SEMA5A: variants seen among roughly 807,000 people sequenced by gnomAD.
SEMA5A encodes the protein semaphorin-5A.
In SEMA5A, 55 loss-of-function variants were observed where a neutral mutation model predicts 135.5. The ratio of observed to expected loss-of-function variants is 0.41; its 90% CI spans 0.33 to 0.51. The LOEUF (loss-of-function observed/expected upper bound fraction) is 0.51. SEMA5A is among the 20% of genes least tolerant of loss of function. The pLI, the probability that SEMA5A is intolerant of heterozygous loss-of-function variation, is 0.37. For missense variants in SEMA5A, 1,290 were observed against 1,419.9 expected, an observed-to-expected ratio of 0.91 and a Z score of 1.47; for synonymous variants, 580 against 546.5, an observed-to-expected ratio of 1.06 and a Z score of -0.85.
chr5:9,267,762 G>C (rs1749758996), intron 5 of SEMA5A, among the ~76,000 whole-genome samples: 1 of 152,070 alleles, frequency 6.6e-6, no homozygotes, highest in Non-Finnish European at 1.5e-5. Context: ...ATCATCTCTG[G>C]CCGGGGTGGG....
chr5:9,347,545 T>G (rs1753930205), intron 3 of SEMA5A, among the ~76,000 whole-genome samples: 2 of 152,104 alleles, frequency 1.3e-5, no homozygotes, highest in Admixed American at 1.3e-4. Flanking sequence ...GTCACACATT[T>G]TTTTCTTTTC....
At chr5:9,241,586 A>G (rs2150463358) in intron 5 of SEMA5A, among the ~76,000 whole-genome samples, 1 of 151,460 alleles carries the variant, frequency 6.6e-6, no homozygotes, top group South Asian at 2.1e-4. Flanking sequence ...AAAAAAAAGA[A>G]GAGGCTTATG....
intron 16 of SEMA5A, among the ~76,000 whole-genome samples, chr5:9,097,205 C>A (rs1739371189): frequency 6.6e-6 from 1 of 152,168 alleles, no homozygotes; most frequent in Admixed American, 6.5e-5. Flanking sequence ...AATACTGCCC[C>A]AGGTTTAAGT....
intron 1 of SEMA5A, among the ~76,000 whole-genome samples, chr5:9,519,342 A>T (rs1736690255): frequency 1.3e-5 from 2 of 152,226 alleles, no homozygotes; most frequent in South Asian, 4.1e-4. Flanking sequence ...AAAAAACAAA[A>T]AATCTTAAGT....
chr5:9,405,960 G>C (rs1309899396), intron 2 of SEMA5A, among the ~76,000 whole-genome samples: 1 of 152,138 alleles, frequency 6.6e-6, no homozygotes, highest in African/African-American at 2.4e-5. Flanking sequence ...ACAACAAGAT[G>C]ATGAATATCT....
intron 16 of SEMA5A, among the ~76,000 whole-genome samples, chr5:9,092,838 C>A (rs866489066): frequency 6.6e-6 from 1 of 152,210 alleles, no homozygotes; most frequent in Middle Eastern, 3.4e-3. Flanking sequence ...TTGCCATTAC[C>A]TTTTTAAAAA....
chr5:9,269,703 C>T (rs1485749863), intron 5 of SEMA5A, among the ~76,000 whole-genome samples: 1 of 151,982 alleles, frequency 6.6e-6, no homozygotes, highest in Admixed American at 6.6e-5. Flanking sequence ...TGGTGGTGAC[C>T]TTAAGGCTTC....
chr5:9,382,678 C>T (rs983848819), intron 2 of SEMA5A, among the ~76,000 whole-genome samples: 1 of 152,168 alleles, frequency 6.6e-6, no homozygotes, highest in Admixed American at 6.5e-5. Context: ...GAGTCTCTCA[C>T]CCACTCAATA....
At chr5:9,132,404 G>A (rs1317893973) in intron 13 of SEMA5A, among the ~76,000 whole-genome samples, 1 of 152,120 alleles carries the variant, frequency 6.6e-6, no homozygotes, top group Non-Finnish European at 1.5e-5. Flanking sequence ...AATGGATTTG[G>A]TACCCTTATA....
chr5:9,288,630 T>C (rs1369859266), intron 5 of SEMA5A, among the ~76,000 whole-genome samples: 1 of 152,242 alleles, frequency 6.6e-6, no homozygotes, highest in Non-Finnish European at 1.5e-5. Context: ...CTACAGTGTT[T>C]ATATTTCTAG....
At chr5:9,486,162 A>T (rs62341320) in intron 1 of SEMA5A, among the ~76,000 whole-genome samples, 9,772 of 152,172 alleles carry the variant, frequency 0.064, 388 homozygotes, top group South Asian at 0.098. Flanking sequence ...CAACAAACAA[A>T]CACAGGAACA....
intron 11 of SEMA5A, among the ~76,000 whole-genome samples, chr5:9,165,633 C>T (rs748433956): frequency 6.6e-5 from 10 of 152,116 alleles, no homozygotes; most frequent in African/African-American, 1.4e-4. Flanking sequence ...GATTCTCTGC[C>T]GCTATGTCCA....
intron 4 of SEMA5A, among the ~76,000 whole-genome samples, chr5:9,331,890 G>C (rs1239288991): frequency 6.7e-6 from 1 of 148,676 alleles, no homozygotes; most frequent in African/African-American, 2.6e-5. Context: ...CCAAACAAAT[G>C]GTTCAAAATA....
rs542368969 is a variant in SEMA5A, at chr5:9,362,236, G to T, written c.124+17587C>A. On this transcript the variant is annotated intron_variant, in intron 3 of 22. Transcript: ENST00000382496. ...CTCCCATCCCTGAGCATGTTTATAA[G>T]CCCCAGCCCCCAGAGGCATTTCAAC... Among the ~76,000 whole-genome samples, 2 of 152,202 alleles carry T rather than the reference G, an allele frequency of 1.3e-5. 1 individual carries two copies. The highest frequency in any genetic ancestry group is 4.2e-4 in the South Asian group (2 of 4,806).
intron 2 of SEMA5A, among the ~76,000 whole-genome samples, chr5:9,384,133 G>T (rs1286090835): frequency 1.3e-5 from 2 of 152,130 alleles, no homozygotes; most frequent in Non-Finnish European, 2.9e-5. Context: ...ACAGGAAAGG[G>T]CATTCATAGT....
chr5:9,479,530 C>T (rs1014270472), intron 1 of SEMA5A, among the ~76,000 whole-genome samples: 2 of 152,166 alleles, frequency 1.3e-5, no homozygotes, highest in Non-Finnish European at 2.9e-5. Context: ...GCTTCCTCAT[C>T]TGTAACATCT....
intron 1 of SEMA5A, among the ~76,000 whole-genome samples, chr5:9,491,090 G>C (rs1283247836): frequency 6.6e-6 from 1 of 152,106 alleles, no homozygotes; most frequent in Non-Finnish European, 1.5e-5. Flanking sequence ...ATTCTCCTCA[G>C]ATGTCTATAG....
intron 16 of SEMA5A, among the ~76,000 whole-genome samples, chr5:9,069,579 A>G (rs1561122362): frequency 6.6e-6 from 1 of 152,198 alleles, no homozygotes; most frequent in South Asian, 2.1e-4. Flanking sequence ...TTTACTCACA[A>G]TGCATTTATT....
chr5:9,436,781 C>T (rs190296825), intron 2 of SEMA5A, among the ~76,000 whole-genome samples: 1 of 152,342 alleles, frequency 6.6e-6, no homozygotes, highest in East Asian at 1.9e-4. Context: ...TCCTCCCCTA[C>T]ACAACTAGTC....
Sources: allele counts gnomAD v4.1 joint callset (sites outside exome capture counted in the v4.1 genomes callset), GRCh38; gene constraint gnomAD v4.1.1; transcripts MANE v1.5; gene names NCBI Gene and HGNC (gene_info 2026-07-23, HGNC 2026-07-21).